Variants in WWOX observed in about 807,000 individuals in gnomAD.
The protein encoded by WWOX is WW domain containing oxidoreductase, also known as WW domain-containing oxidoreductase.
A neutral mutation model predicts 46.2 loss-of-function variants in WWOX; 69 were observed. The observed-to-expected ratio is 1.49, with a 90% CI of 1.23 to 1.82. The LOEUF (loss-of-function observed/expected upper bound fraction) is 1.82. Ranked by LOEUF, WWOX falls within the 40% of genes most tolerant of loss-of-function variation. The pLI is 0.00. For synonymous variants in WWOX, 359 were observed against 202.6 expected, an observed-to-expected ratio of 1.77 and a Z score of -6.56; for missense variants, 919 against 542.6, an observed-to-expected ratio of 1.69 and a Z score of -6.89.
intron 8 of WWOX, among the ~76,000 whole-genome samples, chr16:78,747,439 A>G (rs2049375064): frequency 1.3e-5 from 2 of 152,214 alleles, no homozygotes; most frequent in Admixed American, 6.5e-5. Context: ...ACAATAATAA[A>G]ATAAAAATAC....
At chr16:78,919,374 T>G (rs957774939) in intron 8 of WWOX, among the ~76,000 whole-genome samples, 6 of 151,898 alleles carry the variant, frequency 4.0e-5, no homozygotes, top group African/African-American at 1.2e-4. Flanking sequence ...GGCAGTTGAG[T>G]CTAGAATTGT....
chr16:79,066,740 C>G (rs2048449253), intron 8 of WWOX, among the ~76,000 whole-genome samples: 1 of 152,256 alleles, frequency 6.6e-6, no homozygotes, highest in Non-Finnish European at 1.5e-5. Flanking sequence ...CACCTGCCTT[C>G]TACCAGAAGG....
Position 78,852,930 on chromosome 16 carries a change from C to A in WWOX, c.1057-358678C>A, listed in dbSNP as rs535995920. 2.0e-5 allele frequency among the ~76,000 whole-genome samples: 3 copies of A among 152,332 alleles called. No homozygotes were observed. In the East Asian group the frequency reaches 5.8e-4, roughly 29 times the overall value. On this transcript the variant is annotated intron_variant, in intron 8 of 8. Transcript: ENST00000566780. ...TGGTGACAGGCTTCTTTCTTCTCATCATTAAATGACATACTGGAGATCAGT... is the reference window on the plus strand; with the variant it reads ...TGGTGACAGGCTTCTTTCTTCTCATAATTAAATGACATACTGGAGATCAGT...
chr16:78,521,865 G>C (rs901729841), intron 8 of WWOX, among the ~76,000 whole-genome samples: 5 of 151,994 alleles, frequency 3.3e-5, no homozygotes, highest in African/African-American at 1.2e-4. Context: ...GTGGGACTGG[G>C]GTGGCTCATA....
At chr16:78,432,456 G>T (rs370298271) in intron 7 of WWOX, 32 bp from the exon 8 acceptor site, 6 of 1,611,756 alleles carry the variant, frequency 3.7e-6, no homozygotes, top group South Asian at 1.1e-5. Flanking sequence ...GTCAGAACTT[G>T]GTTGCTTCAT....
At chr16:79,084,253 A>G (rs1472755736) in intron 8 of WWOX, among the ~76,000 whole-genome samples, 2 of 152,210 alleles carry the variant, frequency 1.3e-5, no homozygotes, top group Non-Finnish European at 2.9e-5. Context: ...GTGAGGAAGG[A>G]CACTGACTGT....
chr16:78,930,806 G>A lies in WWOX; in HGVS notation c.1057-280802G>A, dbSNP rs376135727. On this transcript the variant is annotated intron_variant, in intron 8 of 8. Coordinates refer to ENST00000566780, the MANE Select transcript of WWOX (RefSeq NM_016373.4). ...GATGCTTCCATCACACATATTTGCT[G>A]AGTACCCGCTGTTCATAGGTCAGTC... Among the ~76,000 whole-genome samples the A allele has an allele frequency of 2.3e-4, 35 of 152,198 alleles. No individual in the cohort carries two copies. In the South Asian group the frequency reaches 7.3e-3, roughly 32 times the overall value.
intron 8 of WWOX, among the ~76,000 whole-genome samples, chr16:78,572,602 CAAAAAA>C (rs35178787): frequency 1.4e-4 from 6 of 41,502 alleles, no homozygotes; most frequent in African/African-American, 3.5e-4. Context: ...GACTCTGTCT[CAAAAAA>C]AAAAAAAAAA....
intron 5 of WWOX, among the ~76,000 whole-genome samples, chr16:78,186,565 A>G (rs1415268219): frequency 1.3e-5 from 2 of 152,124 alleles, no homozygotes; most frequent in Non-Finnish European, 2.9e-5. Context: ...GGAGTTTGAG[A>G]CCAGCCTGGC....
chr16:78,516,106 G>GA (rs1447357917), intron 8 of WWOX, among the ~76,000 whole-genome samples: 2 of 152,062 alleles, frequency 1.3e-5, no homozygotes, highest in African/African-American at 4.8e-5. Context: ...TGAATAGCAA[G>GA]AAAAATAGTT....
intron 5 of WWOX, among the ~76,000 whole-genome samples, chr16:78,358,905 T>C (rs559758717): frequency 7.2e-6 from 1 of 138,138 alleles, no homozygotes; most frequent in East Asian, 2.1e-4. Context: ...ATAGTGGCCA[T>C]GTTTCTATGT....
rs867796809 is a variant in WWOX, at chr16:78,375,925, C to T, written c.517-10935C>T. On this transcript the variant is annotated intron_variant, in intron 5 of 8. Transcript: ENST00000566780. ...CGAGTGCAGTGGCATGATGTTGGCT[C>T]ACTGCAACTCCGCATCCTGGTTTCA... 7.9e-4 allele frequency among the ~76,000 whole-genome samples: 118 copies of T among 149,438 alleles called. 1 individual carries two copies. In the Middle Eastern group the frequency reaches 0.01, roughly 13 times the overall value.
chr16:79,174,058 A>G (rs1044679586), intron 8 of WWOX, among the ~76,000 whole-genome samples: 1 of 152,222 alleles, frequency 6.6e-6, no homozygotes, highest in Non-Finnish European at 1.5e-5. Flanking sequence ...TGGTGCTCAC[A>G]TACAGTCAGA....
chr16:78,429,917 C>G (rs999900319), intron 7 of WWOX, among the ~76,000 whole-genome samples: 1 of 152,094 alleles, frequency 6.6e-6, no homozygotes, highest in Non-Finnish European at 1.5e-5. Context: ...TGAATGGACT[C>G]TCATAAAAAA....
Position 78,507,003 on chromosome 16 carries a change from C to T in WWOX, c.1056+74251C>T, listed in dbSNP as rs566816620. 5.3e-4 allele frequency among the ~76,000 whole-genome samples: 81 copies of T among 152,274 alleles called. 1 individual carries two copies. In the South Asian group the frequency reaches 0.014, roughly 27 times the overall value. On this transcript the variant is annotated intron_variant, in intron 8 of 8. Transcript: ENST00000566780. ...TGCTGGGATCACAGGCGTGAGCCAC[C>T]GTGCACGACCTCAGGGTCCCTTCTA...
At chr16:78,314,740 C>G (rs370738169) in intron 5 of WWOX, among the ~76,000 whole-genome samples, 32 of 116,240 alleles carry the variant, frequency 2.8e-4, no homozygotes, top group African/African-American at 1.1e-3. Context: ...TCAGTAGAGA[C>G]AGGGTTTCTT....
chr16:79,211,623 A>G lies in WWOX; in HGVS notation c.1072A>G (p.Thr358Ala). The G allele has an allele frequency of 6.2e-7, 1 of 1,614,126 alleles. No homozygotes were observed. The highest frequency in any genetic ancestry group is 8.5e-7 in the Non-Finnish European group (1 of 1,180,022). Residue 358 changes from threonine to alanine, a missense_variant, in exon 9 of 9, where the codon ACC becomes GCC. Coordinates refer to ENST00000566780, the MANE Select transcript of WWOX (RefSeq NM_016373.4). ...FTKSMQQGAA[T>A]TVYCAAVPEL... ...GGATTTCCAGCAACAGGGAGCTGCC[A>G]CCACCGTGTACTGTGCTGCTGTCCC...
intron 8 of WWOX, among the ~76,000 whole-genome samples, chr16:78,944,058 T>C (rs2045903041): frequency 6.6e-6 from 1 of 152,198 alleles, no homozygotes; most frequent in Non-Finnish European, 1.5e-5. Flanking sequence ...ATCAAGGACG[T>C]ATTGATTTCT....
At chr16:79,197,225 A>G (rs796506126) in intron 8 of WWOX, among the ~76,000 whole-genome samples, 8 of 152,262 alleles carry the variant, frequency 5.3e-5, no homozygotes, top group African/African-American at 1.2e-4. Flanking sequence ...CCACATCCCA[A>G]TGGCTTTATG....
Sources: gnomAD v4.1 joint callset for allele counts (sites outside exome capture counted in the v4.1 genomes callset) on GRCh38, gnomAD v4.1.1 for gene constraint, MANE v1.5 for transcripts, NCBI Gene and HGNC (gene_info 2026-07-23, HGNC 2026-07-21) for gene names.